Variants in SLC23A2 observed in about 807,000 individuals in gnomAD.
The protein encoded by SLC23A2 is Na(+)/L-ascorbic acid transporter 2.
A neutral mutation model predicts 73.3 loss-of-function variants in SLC23A2; 36 were observed. That is an observed-to-expected ratio of 0.49 (90% confidence interval 0.38 to 0.65). The LOEUF is 0.65. SLC23A2 is among the 30% of genes least tolerant of loss of function. The pLI is 0.00. For missense variants in SLC23A2, 507 were observed against 841.6 expected (o/e 0.60, Z 4.92); for synonymous variants, 343 against 327.3 (o/e 1.05, Z -0.52).
At chr20:4,885,554 C>G (rs562798765) in intron 7 of SLC23A2, among the ~76,000 whole-genome samples, 1 of 152,152 alleles carries the variant, frequency 6.6e-6, no homozygotes, top group Non-Finnish European at 1.5e-5. Context: ...TTTTCTATTC[C>G]GTTCCCATAT....
At chr20:4,893,936 G>A (rs927882330) in intron 6 of SLC23A2, among the ~76,000 whole-genome samples, 49 of 152,168 alleles carry the variant, frequency 3.2e-4, no homozygotes, top group African/African-American at 1.2e-3. Flanking sequence ...TGACGGCGGG[G>A]CAGGGTCTTG....
chr20:4,972,324 C>T (rs2087573372), intron 1 of SLC23A2, among the ~76,000 whole-genome samples: 2 of 151,814 alleles, frequency 1.3e-5, no homozygotes, highest in Non-Finnish European at 2.9e-5. Flanking sequence ...TGGTACCAGT[C>T]CAGCCTTCAA....
In SLC23A2 at chr20:4,897,870, A is replaced by G. The variant is rs78568304; in HGVS notation, c.482+1685T>C. On this transcript the variant is annotated intron_variant, in intron 6 of 16. Transcript: ENST00000338244. ...CATCCCCTATTCAGGTCAACCAATA[A>G]TGCTCAGCTAGAGACACTGACCAAA... is the stretch of plus-strand genomic sequence containing the variant. Among the ~76,000 whole-genome samples the G allele has an allele frequency of 7.5e-3, 1,141 of 152,298 alleles. 14 individuals carry two copies. Among genetic ancestry groups the G allele is most frequent in the African/African-American group, 0.026 (1,085 of 41,562 alleles).
At chr20:4,915,812 G>T (rs1249323662) in intron 3 of SLC23A2, among the ~76,000 whole-genome samples, 1 of 152,134 alleles carries the variant, frequency 6.6e-6, no homozygotes, top group Non-Finnish European at 1.5e-5. Flanking sequence ...GCTGGGCGTG[G>T]TGATGGGCGC....
In SLC23A2 at chr20:4,966,855, C is replaced by CAG. The variant is rs1568646750; in HGVS notation, c.-155+3936_-155+3937dup. ...ACACACACACACACACACACACACA[C>CAG]AGGCATGGCCATCTTTATCCAAACA... On this transcript the variant is annotated intron_variant, in intron 2 of 16. Coordinates refer to ENST00000338244, the MANE Select transcript of SLC23A2 (RefSeq NM_005116.6). Among the ~76,000 whole-genome samples the CAG allele has an allele frequency of 6.1e-5, 9 of 147,512 alleles. No homozygotes were observed. In the South Asian group the frequency reaches 8.7e-4, roughly 14 times the overall value.
chr20:4,855,356 C>T lies in SLC23A2; in HGVS notation c.*1616G>A, dbSNP rs890735904. The T allele has an allele frequency of 6.6e-6, 1 of 152,368 alleles. No individual in the cohort carries two copies. Among genetic ancestry groups the T allele is most frequent in the African/African-American group, 2.4e-5 (1 of 41,456 alleles). The allele number at this position is 152,368 out of a possible 1,614,324, so 9.4% of individuals were successfully genotyped here. The stretch of plus-strand genomic sequence containing the variant: ...ATGCCCTGCCGCTGGAGACAGGAGA[C>T]AGGCACCCACGCAGCTGACCAAAGC... On this transcript the variant is annotated 3_prime_UTR_variant, in exon 17 of 17. Transcript: ENST00000338244.
At chr20:4,858,468 C>G (rs895333334) in intron 16 of SLC23A2, among the ~76,000 whole-genome samples, 1 of 152,192 alleles carries the variant, frequency 6.6e-6, no homozygotes, top group Non-Finnish European at 1.5e-5. Flanking sequence ...CCAGTGCCTT[C>G]CATCTATTTG....
intron 9 of SLC23A2, among the ~76,000 whole-genome samples, chr20:4,881,833 T>A (rs12481275): frequency 0.26 from 39,781 of 152,110 alleles, 5,397 homozygotes; most frequent in Middle Eastern, 0.31. Flanking sequence ...AAACTATCAG[T>A]AATTAATTGC....
At chr20:4,906,791 C>G (rs1388061933) in intron 4 of SLC23A2, among the ~76,000 whole-genome samples, 2 of 152,072 alleles carry the variant, frequency 1.3e-5, no homozygotes, top group Non-Finnish European at 2.9e-5. Context: ...TGATACTCAT[C>G]AACAAGGACA....
At chr20:4,920,747 C>T (rs1337091186) in intron 3 of SLC23A2, among the ~76,000 whole-genome samples, 1 of 152,144 alleles carries the variant, frequency 6.6e-6, no homozygotes, top group African/African-American at 2.4e-5. Flanking sequence ...CCTTCTACAA[C>T]AAAAACTGCT....
At chr20:4,879,408 CAAAAAAAAAAAAA>C (rs111565515) in intron 9 of SLC23A2, among the ~76,000 whole-genome samples, 2 of 43,008 alleles carry the variant, frequency 4.7e-5, no homozygotes, top group Non-Finnish European at 8.7e-5. Flanking sequence ...AACTCTGTCT[CAAAAAAAAAAAAA>C]AAAAAAAAAA....
intron 6 of SLC23A2, among the ~76,000 whole-genome samples, chr20:4,895,243 C>T (rs1270678157): frequency 6.6e-6 from 1 of 152,186 alleles, no homozygotes; most frequent in East Asian, 1.9e-4. Context: ...AAAAACACAA[C>T]CCAAAAAAGC....
In SLC23A2 at chr20:4,941,242, G is replaced by A. The variant is rs183767778; in HGVS notation, c.-154-8526C>T. On this transcript the variant is annotated intron_variant, in intron 2 of 16. Transcript: ENST00000338244. ...CTGTGCCTATAATTAACAATACGTC[G>A]GTCAGGCATGGTGGCTCATGCACGC... Among the ~76,000 whole-genome samples, 159 of 152,042 alleles carry A rather than the reference G, an allele frequency of 1.0e-3. 1 individual carries two copies. The highest frequency in any genetic ancestry group is 3.5e-3 in the African/African-American group (144 of 41,486).
At chr20:4,921,660 C>T (rs2122916667) in intron 3 of SLC23A2, among the ~76,000 whole-genome samples, 1 of 151,418 alleles carries the variant, frequency 6.6e-6, no homozygotes, top group South Asian at 2.1e-4. Flanking sequence ...TCTGTTACTA[C>T]CAAAATAACA....
chr20:4,990,471 T>A (rs889791069), intron 1 of SLC23A2, among the ~76,000 whole-genome samples: 5 of 151,780 alleles, frequency 3.3e-5, no homozygotes, highest in African/African-American at 4.8e-5. Context: ...CTGGGTTCAA[T>A]TGATTCCCAT....
chr20:4,892,429 C>T (rs908590756), intron 6 of SLC23A2, among the ~76,000 whole-genome samples: 5 of 152,070 alleles, frequency 3.3e-5, no homozygotes, highest in South Asian at 2.1e-4. Context: ...TCAGGTGATC[C>T]GCCCGCCTCA....
In SLC23A2 at chr20:4,899,486, A is replaced by G; in HGVS notation, c.482+69T>C. Reference sequence around the variant, plus strand: ...GCCAACAGCCCTAGGCAAACGGCGCAGCTCAATGCCTTCTGCGCTCAATGC... The same window carrying G: ...GCCAACAGCCCTAGGCAAACGGCGCGGCTCAATGCCTTCTGCGCTCAATGC... On this transcript the variant is annotated intron_variant, in intron 6 of 16. Coordinates refer to ENST00000338244, the MANE Select transcript of SLC23A2 (RefSeq NM_005116.6). This position sits in a 1 kb window ranked among gnomAD's most constrained non-coding sequence, Gnocchi z 4.9. The G allele has an allele frequency of 6.3e-7, 1 of 1,578,640 alleles. No individual in the cohort carries two copies. The highest frequency in any genetic ancestry group is 8.7e-7 in the Non-Finnish European group (1 of 1,150,600).
At position 4,932,733 on chromosome 20, in the gene SLC23A2, C is replaced by T; in HGVS notation, c.-154-17G>A. 1.7e-6 allele frequency: 1 copy of T among 583,768 alleles called. No individual in the cohort carries two copies. The highest frequency in any genetic ancestry group is 2.8e-5 in the East Asian group (1 of 35,126). The allele number at this position is 583,768 out of a possible 1,614,324, so 36.2% of individuals were successfully genotyped here. A position where few individuals can be genotyped will look rare whatever the true frequency, so the allele number is the denominator to read the frequency against. On this transcript the variant is annotated splice_polypyrimidine_tract_variant and intron_variant, in intron 2 of 16. Transcript: ENST00000338244. ...TCTTAGCACCTAGAAAAGAAGAGCACAGCCAAATCACCCCAAAGCATGAAA... is the reference window on the plus strand; with the variant it reads ...TCTTAGCACCTAGAAAAGAAGAGCATAGCCAAATCACCCCAAAGCATGAAA...
At chr20:4,963,474 C>T (rs527600172) in intron 2 of SLC23A2, among the ~76,000 whole-genome samples, 8 of 152,108 alleles carry the variant, frequency 5.3e-5, no homozygotes, top group African/African-American at 1.9e-4. Context: ...CCTAAGGCTG[C>T]CATAACTCCT....
Sources: gnomAD v4.1 joint callset for allele counts (sites outside exome capture counted in the v4.1 genomes callset) on GRCh38, gnomAD v4.1.1 for gene constraint, Gnocchi (gnomAD v3.1) non-coding constraint, MANE v1.5 for transcripts, NCBI Gene and HGNC (gene_info 2026-07-23, HGNC 2026-07-21) for gene names.